Variants in GOLM2 observed in about 807,000 individuals in gnomAD.
GOLM2 encodes golgi membrane protein 2.
Under a neutral mutation model 55.9 loss-of-function variants are expected in GOLM2, and 26 were observed. That is an observed-to-expected ratio of 0.47 (90% CI 0.34 to 0.65). The LOEUF is 0.65. Ranked by LOEUF, GOLM2 falls within the 30% of genes least tolerant of loss-of-function variation. The probability of loss-of-function intolerance (pLI) is 0.01; values close to 1 mark genes in which losing one functional copy is unlikely to be tolerated. For missense variants in GOLM2, 486 were observed against 531.8 expected (o/e 0.91, Z 0.85); for synonymous variants, 165 against 194.6 (o/e 0.85, Z 1.27).
chr15:44,324,081 G>A (rs1341340539), intron 2 of GOLM2, among the ~76,000 whole-genome samples: 1 of 152,198 alleles, frequency 6.6e-6, no homozygotes, highest in Non-Finnish European at 1.5e-5. Context: ...AGATGCCACA[G>A]TGTCAGTGCT....
intron 8 of GOLM2, 83 bp downstream of exon 8, chr15:44,381,059 A>G: frequency 3.7e-6 from 3 of 809,332 alleles, no homozygotes. Flanking sequence ...TCTGCTCTCT[A>G]ATAAATGTAT....
chr15:44,349,462 G>A (rs903343415), intron 6 of GOLM2, among the ~76,000 whole-genome samples: 3 of 152,138 alleles, frequency 2.0e-5, no homozygotes, highest in Non-Finnish European at 4.4e-5. Flanking sequence ...ACATATATAT[G>A]CACCCAGCAT....
chr15:44,408,239 CTG>C (rs1236711366), intron 9 of GOLM2, among the ~76,000 whole-genome samples: 1 of 152,074 alleles, frequency 6.6e-6, no homozygotes, highest in Non-Finnish European at 1.5e-5. Context: ...TAGTGGTTAT[CTG>C]TTATTCTACA....
chr15:44,336,039 T>A (rs1193383149), intron 4 of GOLM2, among the ~76,000 whole-genome samples: 1 of 152,016 alleles, frequency 6.6e-6, no homozygotes, highest in Non-Finnish European at 1.5e-5. Context: ...GATTTTGAAC[T>A]CCTGACTTCA....
At chr15:44,359,025 C>T (rs1439360200) in intron 6 of GOLM2, among the ~76,000 whole-genome samples, 6 of 151,726 alleles carry the variant, frequency 4.0e-5, no homozygotes, top group Admixed American at 6.6e-5. Context: ...GGCGTGGTGC[C>T]GGGCGCCTCA....
intron 8 of GOLM2, among the ~76,000 whole-genome samples, chr15:44,390,941 A>G (rs1007393071): frequency 6.6e-6 from 1 of 152,168 alleles, no homozygotes; most frequent in African/African-American, 2.4e-5. Flanking sequence ...CAAAGGCCCC[A>G]TCTCTTAATA....
chr15:44,369,103 A>ATAATATG (rs1567037222), intron 6 of GOLM2, among the ~76,000 whole-genome samples: 8 of 100,294 alleles, frequency 8.0e-5, no homozygotes, highest in East Asian at 7.3e-4. Context: ...ATATATATAT[A>ATAATATG]TATATATATA....
At chr15:44,312,985 A>C (rs1221804772) in intron 1 of GOLM2, among the ~76,000 whole-genome samples, 1 of 152,176 alleles carries the variant, frequency 6.6e-6, no homozygotes, top group Non-Finnish European at 1.5e-5. Flanking sequence ...AGGCCGAGAC[A>C]GGAGAATCAT....
chr15:44,387,319 C>T (rs2079453150), intron 8 of GOLM2: 1 of 151,922 alleles, frequency 6.6e-6, no homozygotes, highest in Non-Finnish European at 1.5e-5. Flanking sequence ...ATCTTTAATT[C>T]CTTTCAGCAA....
intron 6 of GOLM2, among the ~76,000 whole-genome samples, chr15:44,347,131 AAGAG>A (rs150767007): frequency 2.5e-4 from 37 of 149,524 alleles, no homozygotes; most frequent in South Asian, 4.2e-4. Flanking sequence ...CTAAACAAAA[AAGAG>A]AGAGAGAGAG....
intron 1 of GOLM2, among the ~76,000 whole-genome samples, chr15:44,304,230 CTTTTTTTTTTTTTTT>C (rs895623812): frequency 2.4e-5 from 2 of 82,924 alleles, no homozygotes; most frequent in African/African-American, 1.0e-4. Context: ...GGCTCCACTT[CTTTTTTTTTTTTTTT>C]TTTTTTTTTT....
chr15:44,400,928 T>C (rs1362191910), intron 8 of GOLM2, among the ~76,000 whole-genome samples: 1 of 152,166 alleles, frequency 6.6e-6, no homozygotes, highest in African/African-American at 2.4e-5. Flanking sequence ...TTTAACGATT[T>C]TTCCTGATGG....
intron 1 of GOLM2, among the ~76,000 whole-genome samples, chr15:44,291,105 T>G (rs989457793): frequency 1.8e-4 from 22 of 121,300 alleles, no homozygotes; most frequent in Non-Finnish European, 3.9e-4. Context: ...GCCCAGCCTC[T>G]TTTTTTTTTT....
At chr15:44,360,239 T>C (rs930616374) in intron 6 of GOLM2, among the ~76,000 whole-genome samples, 12 of 152,104 alleles carry the variant, frequency 7.9e-5, no homozygotes, top group Admixed American at 7.2e-4. Context: ...AATGCTCCAA[T>C]TAAAAGACAC....
At chr15:44,408,290 G>A (rs749220423) in intron 9 of GOLM2, among the ~76,000 whole-genome samples, 8 of 152,120 alleles carry the variant, frequency 5.3e-5, no homozygotes, top group Admixed American at 3.9e-4. Flanking sequence ...ATGTACTACT[G>A]CTTTACAGAT....
intron 8 of GOLM2, among the ~76,000 whole-genome samples, chr15:44,397,417 T>TGCA (rs1157619279): frequency 7.1e-6 from 1 of 141,100 alleles, no homozygotes; most frequent in Non-Finnish European, 1.5e-5. Context: ...AGGCGGAGCT[T>TGCA]GCAGTGAGCT....
chr15:44,288,926 G>A lies in GOLM2; in HGVS notation c.-104G>A, dbSNP rs939849992. 4.9e-5 allele frequency: 54 copies of A among 1,107,318 alleles called. No individual in the cohort carries two copies. Among genetic ancestry groups the A allele is most frequent in the Non-Finnish European group, 6.4e-5 (50 of 786,898 alleles). 68.6% of individuals were successfully genotyped at this position (1,107,318 alleles called of 1,614,324 possible). A position where few individuals can be genotyped will look rare whatever the true frequency, so the allele number is the denominator to read the frequency against. On this transcript the variant is annotated 5_prime_UTR_variant, in exon 1 of 10. Transcript: ENST00000299957. ...ACCGGTAAGCCCGCCTCCTCCCTCGGCCGGCCCTGGGGCCGTGTCCGCCGG... is the reference window on the plus strand; with the variant it reads ...ACCGGTAAGCCCGCCTCCTCCCTCGACCGGCCCTGGGGCCGTGTCCGCCGG...
rs1323927338 is a variant in GOLM2, at chr15:44,337,748, A to C, written c.577-15A>C. On this transcript the variant is annotated splice_polypyrimidine_tract_variant and intron_variant, in intron 4 of 9. Coordinates refer to ENST00000299957, the MANE Select transcript of GOLM2 (RefSeq NM_138423.4). ...TTTGAACTGAAAAATATTATTACCA[A>C]ATTTTGTCTAACAGCAAGAGACCCA... 6 of 1,552,102 alleles carry C rather than the reference A, an allele frequency of 3.9e-6. No homozygotes were observed. Among genetic ancestry groups the C allele is most frequent in the Non-Finnish European group, 5.2e-6 (6 of 1,158,392 alleles).
intron 6 of GOLM2, among the ~76,000 whole-genome samples, chr15:44,361,001 C>G (rs544953428): frequency 1.3e-5 from 2 of 151,290 alleles, no homozygotes; most frequent in East Asian, 3.9e-4. Context: ...TTCTTTGAAA[C>G]CAACGAGAAC....
Sources: gnomAD v4.1 joint callset for allele counts (sites outside exome capture counted in the v4.1 genomes callset) on GRCh38, gnomAD v4.1.1 for gene constraint, MANE v1.5 for transcripts, NCBI Gene and HGNC (gene_info 2026-07-23, HGNC 2026-07-21) for gene names.